Variants in MCF2L observed in about 807,000 individuals in gnomAD.
MCF2L encodes the protein MCF.2 cell line derived transforming sequence like.
In MCF2L, 97 loss-of-function variants were observed where a neutral mutation model predicts 153.4. The ratio of observed to expected loss-of-function variants is 0.63; its 90% CI spans 0.54 to 0.75. The LOEUF (loss-of-function observed/expected upper bound fraction) is 0.75, where lower values mean the gene tolerates loss of function less well. Among genes scored for constraint, MCF2L ranks in the 30% least tolerant of loss-of-function variants. MCF2L has a pLI of 0.00. For synonymous variants in MCF2L, 659 were observed against 632.2 expected (o/e 1.04, Z -0.64); for missense variants, 1,347 against 1,495.2 (o/e 0.90, Z 1.64).
intron 1 of MCF2L, chr13:113,001,345 C>T (rs1377708598): frequency 2.0e-5 from 3 of 152,438 alleles, no homozygotes; most frequent in East Asian, 1.9e-4. Flanking sequence ...CTCAACTCCC[C>T]ACAGGCGTGT....
chr13:112,902,032 T>C (rs1181688226), intron 1 of MCF2L, among the ~76,000 whole-genome samples: 1 of 152,240 alleles, frequency 6.6e-6, no homozygotes, highest in Non-Finnish European at 1.5e-5. Context: ...CCTGATACAG[T>C]GGAAATTGAC....
chr13:112,916,021 A>G (rs1048355801), intron 2 of MCF2L, among the ~76,000 whole-genome samples: 1 of 145,804 alleles, frequency 6.9e-6, no homozygotes, highest in Non-Finnish European at 1.5e-5. Context: ...ACACGGTGAA[A>G]CCCCGTCTCT....
At chr13:112,954,377 C>T (rs987988130) in intron 2 of MCF2L, among the ~76,000 whole-genome samples, 7 of 152,082 alleles carry the variant, frequency 4.6e-5, no homozygotes, top group Admixed American at 3.9e-4. Flanking sequence ...CCTGAAACCT[C>T]GAGGAGGCAG....
chr13:113,013,813 C>T (rs180724926), intron 1 of MCF2L, among the ~76,000 whole-genome samples: 1 of 152,216 alleles, frequency 6.6e-6, no homozygotes, highest in Non-Finnish European at 1.5e-5. Flanking sequence ...TGGTCAGTGT[C>T]CCCCAGGCAC....
intron 26 of MCF2L, chr13:113,090,714 C>G: frequency 1.0e-6 from 1 of 985,486 alleles, no homozygotes; most frequent in Non-Finnish European, 1.2e-6. Flanking sequence ...CTGGGAAGCC[C>G]TGAAGGCCAG....
chr13:112,957,819 G>A (rs1468336656), intron 2 of MCF2L: 1 of 152,088 alleles, frequency 6.6e-6, no homozygotes, highest in Admixed American at 6.5e-5. Context: ...TTTGTGAAGT[G>A]AATTAACATA....
At position 113,078,947 on chromosome 13, in the gene MCF2L, G is replaced by A. The variant is rs547074743; in HGVS notation, c.1808+208G>A. Among the ~76,000 whole-genome samples, 13 of 152,328 alleles carry A rather than the reference G, an allele frequency of 8.5e-5. 1 individual carries two copies. The highest frequency in any genetic ancestry group is 4.1e-4 in the South Asian group (2 of 4,830). ...TCCCCACCGCGTGAAGCACACACAC[G>A]CCGCACACACACCACTCGGGATTCA... On this transcript the variant is annotated intron_variant, in intron 15 of 29. Coordinates refer to ENST00000535094, the MANE Select transcript of MCF2L (RefSeq NM_001112732.3).
chr13:113,049,180 C>T (rs2087039451), intron 4 of MCF2L, among the ~76,000 whole-genome samples: 1 of 152,172 alleles, frequency 6.6e-6, no homozygotes, highest in Non-Finnish European at 1.5e-5. Context: ...GGCCACAAGG[C>T]CAAGGAGGCA....
intron 26 of MCF2L, chr13:113,090,038 T>C: frequency 6.3e-7 from 1 of 1,590,948 alleles, no homozygotes; most frequent in Non-Finnish European, 8.6e-7. Flanking sequence ...TGCGATGCCC[T>C]CTGCATAGTT....
chr13:112,967,985 G>T (rs1324008611), upstream of MCF2L: 2 of 194,984 alleles, frequency 1.0e-5, no homozygotes, highest in South Asian at 1.6e-4. Flanking sequence ...TTGGACGCTG[G>T]AATGCTGGCG....
At chr13:112,926,819 T>C (rs1265805179) in intron 2 of MCF2L, among the ~76,000 whole-genome samples, 1 of 152,128 alleles carries the variant, frequency 6.6e-6, no homozygotes, top group African/African-American at 2.4e-5. Flanking sequence ...TGGGATGTGC[T>C]GGGAAGATGT....
Position 112,913,780 on chromosome 13 carries a change from T to C in MCF2L, c.169+11409T>C, listed in dbSNP as rs926076126. 2.6e-5 allele frequency among the ~76,000 whole-genome samples: 4 copies of C among 152,126 alleles called. No individual in the cohort carries two copies. The East Asian group carries it at 7.7e-4, about 29-fold the overall frequency. On this transcript the variant is annotated intron_variant, in intron 2 of 29. Transcript: ENST00000375608. ...GATTCGTTGACGTCCTCTCAACGAA[T>C]GTGTGCTTTTAAAAATGTCTTTAAT...
chr13:112,952,104 C>T (rs2081700381), intron 2 of MCF2L, among the ~76,000 whole-genome samples: 1 of 152,218 alleles, frequency 6.6e-6, no homozygotes, highest in Non-Finnish European at 1.5e-5. Context: ...AATTCAATTT[C>T]AGTGACCTTG....
Position 113,096,536 on chromosome 13 carries a change from C to T in MCF2L, c.3189-14C>T. 6.3e-7 allele frequency: 1 copy of T among 1,597,152 alleles called. No homozygotes were observed. Among genetic ancestry groups the T allele is most frequent in the Non-Finnish European group, 8.5e-7 (1 of 1,173,798 alleles). Reference sequence around the variant, plus strand: ...GCCCCGCACGTGGCTGCCGCTGACCCTCGCCCCTTGCAGGTACGTCAGGGA... The same window carrying T: ...GCCCCGCACGTGGCTGCCGCTGACCTTCGCCCCTTGCAGGTACGTCAGGGA... On this transcript the variant is annotated splice_polypyrimidine_tract_variant and intron_variant, in intron 28 of 29. Transcript: ENST00000535094.
chr13:113,091,518 G>A (rs1252926206), intron 26 of MCF2L, among the ~76,000 whole-genome samples: 1 of 152,200 alleles, frequency 6.6e-6, no homozygotes, highest in Non-Finnish European at 1.5e-5. Flanking sequence ...ACTGCCCAGT[G>A]GCTGCTGTCG....
intron 4 of MCF2L, among the ~76,000 whole-genome samples, chr13:113,050,747 GGGGGTGCGGGGGGCGGT>G (rs2087234642): frequency 1.2e-4 from 4 of 33,316 alleles, no homozygotes; most frequent in African/African-American, 5.5e-4. Context: ...GGGGGAGCGG[GGGGGTGCGGGGGGCGGT>G]GGCGGGGGGA....
rs149755098 is a variant in MCF2L at position 113,027,848 on chromosome 13, G to C, written c.278+3090G>C. On this transcript the variant is annotated intron_variant, in intron 3 of 29. Transcript: ENST00000535094. The surrounding 1 kb of genome is among the most constrained non-coding windows in gnomAD (Gnocchi z 4.8). ...GCCCGAAGGCTCAGACCACATGGCC[G>C]TACCCCGAGGACGTAGGCTCCAGGT... Among the ~76,000 whole-genome samples, 2 of 152,246 alleles carry C rather than the reference G, an allele frequency of 1.3e-5. No individual in the cohort carries two copies.
chr13:113,087,838 C>T (rs756701570), intron 23 of MCF2L, 39 bp downstream of exon 23: 2 of 1,533,428 alleles, frequency 1.3e-6, no homozygotes, highest in Admixed American at 1.7e-5. Flanking sequence ...TTACACATTG[C>T]CACGAATGGT....
intron 2 of MCF2L, among the ~76,000 whole-genome samples, chr13:113,022,012 C>T (rs2141260467): frequency 6.6e-6 from 1 of 152,330 alleles, no homozygotes; most frequent in African/African-American, 2.4e-5. Context: ...CCCTGGGCAG[C>T]TGGAGGCTCC....
Sources: gnomAD v4.1 joint callset for allele counts (sites outside exome capture counted in the v4.1 genomes callset) on GRCh38, gnomAD v4.1.1 for gene constraint, Gnocchi (gnomAD v3.1) non-coding constraint, MANE v1.5 for transcripts, NCBI Gene and HGNC (gene_info 2026-07-23, HGNC 2026-07-21) for gene names.